The following ACER3 variants were observed in gnomAD, a reference collection of about 807,000 sequenced individuals.
ACER3 encodes the protein alkaline ceramidase 3, also known as alkCDase 3.
A neutral mutation model predicts 48.9 loss-of-function variants in ACER3; 16 were observed. The ratio of observed to expected loss-of-function variants is 0.33; its 90% CI spans 0.22 to 0.50. The LOEUF (loss-of-function observed/expected upper bound fraction) is 0.50, where lower values mean the gene tolerates loss of function less well. Among genes scored for constraint, ACER3 ranks in the 20% least tolerant of loss-of-function variants. The pLI is 0.98. For synonymous variants in ACER3, 109 were observed against 107.8 expected, an observed-to-expected ratio of 1.01 and a Z score of -0.07; for missense variants, 227 against 326.0, an observed-to-expected ratio of 0.70 and a Z score of 2.34.
intron 7 of ACER3, among the ~76,000 whole-genome samples, chr11:77,008,136 T>C (rs1018394448): frequency 2.0e-5 from 3 of 152,206 alleles, no homozygotes; most frequent in African/African-American, 7.2e-5. Context: ...CCAAAATCCC[T>C]AGTTAGTCTG....
At chr11:76,878,332 T>A (rs1945436966) in intron 1 of ACER3, among the ~76,000 whole-genome samples, 1 of 152,034 alleles carries the variant, frequency 6.6e-6, no homozygotes, top group Non-Finnish European at 1.5e-5. Context: ...ATTCTCGAAT[T>A]TTTTGGTCTC....
At chr11:76,937,518 G>A (rs554816568) in intron 2 of ACER3, among the ~76,000 whole-genome samples, 3 of 152,228 alleles carry the variant, frequency 2.0e-5, no homozygotes, top group Non-Finnish European at 2.9e-5. Context: ...CTATGAAGAT[G>A]TAGAAAGGAT....
intron 5 of ACER3, among the ~76,000 whole-genome samples, chr11:76,989,487 A>G (rs1948754705): frequency 6.6e-6 from 1 of 152,192 alleles, no homozygotes; most frequent in African/African-American, 2.4e-5. Flanking sequence ...TCCGCTGTAT[A>G]GAGAAAGGAT....
At chr11:76,910,647 A>C (rs1205122122) in intron 1 of ACER3, among the ~76,000 whole-genome samples, 1 of 152,222 alleles carries the variant, frequency 6.6e-6, no homozygotes, top group African/African-American at 2.4e-5. Flanking sequence ...GAAAATAATA[A>C]ACATATAAAT....
At chr11:76,910,973 A>G (rs1261308127) in intron 1 of ACER3, among the ~76,000 whole-genome samples, 2 of 152,222 alleles carry the variant, frequency 1.3e-5, no homozygotes, top group Non-Finnish European at 1.5e-5. Context: ...ATCAGAAACA[A>G]TGACCATTTT....
chr11:77,001,051 T>C (rs1329353902), intron 7 of ACER3, among the ~76,000 whole-genome samples: 1 of 152,218 alleles, frequency 6.6e-6, no homozygotes, highest in Non-Finnish European at 1.5e-5. Context: ...ACACAGTATG[T>C]CTCTTGATTT....
chr11:76,920,233 G>A (rs914157521), intron 1 of ACER3, among the ~76,000 whole-genome samples: 1 of 152,132 alleles, frequency 6.6e-6, no homozygotes, highest in African/African-American at 2.4e-5. Context: ...ATTGCAGAAC[G>A]TGGCTGTCAG....
In ACER3 at chr11:77,001,918, G is replaced by T. The variant is rs12286903; in HGVS notation, c.497+3097G>T. Among the ~76,000 whole-genome samples, 214 of 152,268 alleles carry T rather than the reference G, an allele frequency of 1.4e-3. 2 individuals are homozygous for T. The highest frequency in any genetic ancestry group is 4.9e-3 in the African/African-American group (203 of 41,534). ...ACAGTTCTGGAGGCTAGAAGTCTGA[G>T]ACTAGGGTGTCAGCAGGTCTGATGT... On this transcript the variant is annotated intron_variant, in intron 7 of 10. Coordinates refer to ENST00000532485, the MANE Select transcript of ACER3 (RefSeq NM_018367.7).
At chr11:76,865,049 C>T (rs1474384153) in intron 1 of ACER3, among the ~76,000 whole-genome samples, 1 of 151,326 alleles carries the variant, frequency 6.6e-6, no homozygotes, top group African/African-American at 2.4e-5. Flanking sequence ...TCACAGCTCA[C>T]TGCAGCCTCG....
intron 2 of ACER3, among the ~76,000 whole-genome samples, chr11:76,948,211 C>CTGTGTGTGTGTGTG (rs57302394): frequency 1.3e-4 from 17 of 135,762 alleles, no homozygotes; most frequent in East Asian, 9.2e-4. Flanking sequence ...CTGGCTCACT[C>CTGTGTGTGTGTGTG]TGTGTGTGTG....
chr11:76,985,172 A>G (rs2135197826), intron 4 of ACER3, among the ~76,000 whole-genome samples: 1 of 152,238 alleles, frequency 6.6e-6, no homozygotes, highest in Admixed American at 6.5e-5. Flanking sequence ...TTGCTCTGTC[A>G]TCCAGGCTGG....
chr11:77,009,728 T>C (rs555054115), intron 7 of ACER3, among the ~76,000 whole-genome samples: 15 of 152,204 alleles, frequency 9.9e-5, no homozygotes, highest in Admixed American at 9.8e-4. Context: ...GGAGGATTGA[T>C]TGAGCCCAGG....
chr11:76,990,348 G>A (rs1157845963), intron 5 of ACER3, among the ~76,000 whole-genome samples, 191 bp from the exon 6 acceptor site: 1 of 152,156 alleles, frequency 6.6e-6, no homozygotes. Flanking sequence ...CTAGCACTGA[G>A]GAAATCCTCC....
At position 76,912,484 on chromosome 11, in the gene ACER3, T is replaced by C. The variant is rs751645678; in HGVS notation, c.104-14073T>C. Among the ~76,000 whole-genome samples, 31 of 152,282 alleles carry C rather than the reference T, an allele frequency of 2.0e-4. 1 individual carries two copies. The highest frequency in any genetic ancestry group is 1.3e-4 in the Admixed American group (2 of 15,286). On this transcript the variant is annotated intron_variant, in intron 1 of 10. Coordinates refer to ENST00000532485, the MANE Select transcript of ACER3 (RefSeq NM_018367.7). Reference sequence around the variant, plus strand: ...CTGTTGTGAAAACCTGAAAATAACATAACTATCTGCCAATAAGGGATTATA... The same window carrying C: ...CTGTTGTGAAAACCTGAAAATAACACAACTATCTGCCAATAAGGGATTATA...
intron 1 of ACER3, among the ~76,000 whole-genome samples, chr11:76,912,351 A>G (rs956056217): frequency 3.9e-5 from 6 of 152,138 alleles, no homozygotes; most frequent in African/African-American, 7.2e-5. Context: ...AACTGTGGAC[A>G]TCCTGAATTG....
At chr11:76,990,477 G>A (rs961574240) in intron 5 of ACER3, 62 bp from the exon 6 acceptor site, 29 of 1,161,024 alleles carry the variant, frequency 2.5e-5, no homozygotes, top group Non-Finnish European at 3.6e-5. Flanking sequence ...AGTAATTGGA[G>A]TCGGTTTTTC....
At chr11:77,003,618 A>G (rs1409903384) in intron 7 of ACER3, among the ~76,000 whole-genome samples, 1 of 151,358 alleles carries the variant, frequency 6.6e-6, no homozygotes, top group East Asian at 1.9e-4. Flanking sequence ...TTCTTTTTCA[A>G]GGTTCTTGAG....
At chr11:76,910,941 A>C (rs1055797862) in intron 1 of ACER3, among the ~76,000 whole-genome samples, 3 of 152,186 alleles carry the variant, frequency 2.0e-5, no homozygotes, top group Non-Finnish European at 4.4e-5. Context: ...ACATGGATGA[A>C]TACTTACGTG....
At chr11:76,871,152 C>T (rs1461738678) in intron 1 of ACER3, among the ~76,000 whole-genome samples, 1 of 152,198 alleles carries the variant, frequency 6.6e-6, no homozygotes, top group Non-Finnish European at 1.5e-5. Flanking sequence ...TGCATTCTTA[C>T]TCTCTCTCTT....
Sources: allele counts gnomAD v4.1 joint callset (sites outside exome capture counted in the v4.1 genomes callset), GRCh38; gene constraint gnomAD v4.1.1; transcripts MANE v1.5; gene names NCBI Gene and HGNC (gene_info 2026-07-23, HGNC 2026-07-21).